TLL2: variants seen among roughly 807,000 people sequenced by gnomAD.
TLL2 encodes the protein tolloid like 2.
TLL2 carries 106 observed loss-of-function variants against 123.0 expected under a neutral mutation model. The ratio of observed to expected loss-of-function variants is 0.86; its 90% CI spans 0.74 to 1.01. TLL2 has a LOEUF of 1.01. TLL2 is among the 50% of genes least tolerant of loss of function. TLL2 has a pLI of 0.00. For missense variants in TLL2, 1,332 were observed against 1,336.7 expected, an observed-to-expected ratio of 1.00 and a Z score of 0.06; for synonymous variants, 494 against 516.8, an observed-to-expected ratio of 0.96 and a Z score of 0.60.
intron 8 of TLL2, among the ~76,000 whole-genome samples, chr10:96,411,639 C>T (rs985375202): frequency 4.6e-5 from 7 of 152,216 alleles, no homozygotes; most frequent in African/African-American, 1.7e-4. Context: ...AAGACAAAGA[C>T]ACTGGTTTGC....
At chr10:96,502,486 A>G (rs1436248881) in intron 1 of TLL2, among the ~76,000 whole-genome samples, 5 of 152,164 alleles carry the variant, frequency 3.3e-5, no homozygotes, top group Admixed American at 3.3e-4. Context: ...GACGGGCTCA[A>G]TTTGGAAACA....
intron 7 of TLL2, among the ~76,000 whole-genome samples, chr10:96,416,193 T>C (rs1326126511): frequency 6.6e-6 from 1 of 152,186 alleles, no homozygotes; most frequent in Non-Finnish European, 1.5e-5. Context: ...TGTCCTTTTG[T>C]AATTATTTTC....
At chr10:96,422,418 A>C in intron 6 of TLL2, 131 bp downstream of exon 6, 1 of 1,106,762 alleles carries the variant, frequency 9.0e-7, no homozygotes, top group Non-Finnish European at 1.3e-6. Context: ...CCTGTACAAC[A>C]GAGTCATTGC....
intron 9 of TLL2, among the ~76,000 whole-genome samples, chr10:96,407,386 C>T (rs1487150893): frequency 3.3e-5 from 5 of 152,130 alleles, no homozygotes. Context: ...TTAGATCTAC[C>T]TAGATCTGGA....
intron 1 of TLL2, among the ~76,000 whole-genome samples, chr10:96,501,806 G>A (rs1051497785): frequency 6.6e-6 from 1 of 152,196 alleles, no homozygotes; most frequent in Non-Finnish European, 1.5e-5. Flanking sequence ...TACCCTTTCT[G>A]AATCCCTCTG....
intron 20 of TLL2, among the ~76,000 whole-genome samples, chr10:96,369,409 T>C (rs1252033449): frequency 1.3e-5 from 2 of 152,196 alleles, no homozygotes; most frequent in Non-Finnish European, 2.9e-5. Context: ...GAAATGTGAA[T>C]ATAAGAAATA....
At chr10:96,386,590 A>T (rs2134058280) in intron 14 of TLL2, among the ~76,000 whole-genome samples, 1 of 152,388 alleles carries the variant, frequency 6.6e-6, no homozygotes, top group South Asian at 2.1e-4. Context: ...AAGATGGAAC[A>T]CAAGCCAGGT....
At chr10:96,376,600 T>C (rs1185431711) in intron 18 of TLL2, 92 bp downstream of exon 18, 1 of 1,411,596 alleles carries the variant, frequency 7.1e-7, no homozygotes, top group Non-Finnish European at 9.7e-7. Context: ...ACTTCCAAGT[T>C]ACAGAGCTGG....
At chr10:96,497,020 C>T (rs1031067207) in intron 1 of TLL2, among the ~76,000 whole-genome samples, 2 of 152,090 alleles carry the variant, frequency 1.3e-5, no homozygotes, top group African/African-American at 4.8e-5. Context: ...GTGGCTCATG[C>T]CTGTAATCCC....
chr10:96,489,512 G>C (rs1480159477), intron 1 of TLL2, among the ~76,000 whole-genome samples: 2 of 152,006 alleles, frequency 1.3e-5, no homozygotes, highest in African/African-American at 2.4e-5. Context: ...CTGGGCAACA[G>C]AGCAAAACCT....
rs904029226 is a variant in TLL2 at position 96,395,990 on chromosome 10, G to A, written c.1415C>T (p.Ala472Val). The A allele has an allele frequency of 8.7e-6, 14 of 1,614,052 alleles. No homozygotes were observed. The highest frequency in any genetic ancestry group is 2.7e-5 in the African/African-American group (2 of 74,930). ...ATCGGDMNKDAGQIQSPNYPD... is the reference protein window; with the variant it reads ...ATCGGDMNKDVGQIQSPNYPD... ...ATAGTTGGGAGATTGAATCTGACCG[G>A]CATCTTTGTTCATGTCTCCCCCGCA... The change falls in exon 12 of 21, where the codon GCC (alanine) becomes GTC (valine). Residue 472 changes from alanine to valine, a missense_variant. Physicochemically the swap from Ala to Val is moderately conservative, Grantham distance 64. Coordinates refer to ENST00000357947, the MANE Select transcript of TLL2 (RefSeq NM_012465.4).
Position 96,513,386 on chromosome 10 carries a change from G to A in TLL2, c.175+125C>T, listed in dbSNP as rs907930911. On this transcript the variant is annotated intron_variant, in intron 1 of 20. Transcript: ENST00000357947. ...TCCTCGGAGGCATTGTCTTCCGGGG[G>A]AGCCGGGGATCTCAGGGGAGGGGAG... is the stretch of plus-strand genomic sequence containing the variant. 5 of 1,212,050 alleles carry A rather than the reference G, an allele frequency of 4.1e-6. No individual in the cohort carries two copies. The African/African-American group carries it at 4.7e-5, about 11-fold the overall frequency. 75.1% of individuals were successfully genotyped at this position (1,212,050 alleles called of 1,614,324 possible).
chr10:96,469,976 G>A (rs1847163188), intron 2 of TLL2, among the ~76,000 whole-genome samples: 1 of 151,928 alleles, frequency 6.6e-6, no homozygotes, highest in Non-Finnish European at 1.5e-5. Flanking sequence ...AACTCTTGTG[G>A]GCGGGGCAGG....
chr10:96,476,236 A>ATTCTTTTT, intron 2 of TLL2, among the ~76,000 whole-genome samples: 1 of 20,450 alleles, frequency 4.9e-5, no homozygotes, highest in South Asian at 1.3e-3. Context: ...ATATATATAT[A>ATTCTTTTT]TATATTTTAT....
In TLL2 at chr10:96,386,173, G is replaced by C; in HGVS notation, c.1895C>G (p.Thr632Ser). The change falls in exon 15 of 21, where the codon ACC (threonine) becomes AGC (serine). Residue 632 changes from threonine to serine, a missense_variant. By Grantham distance (58) the Thr-to-Ser change is moderately conservative. Transcript: ENST00000357947. ...ATACTCCTTCGGCCACCCAGGGCTG[G>C]TGATGGTTCCATTCAGCTTGGTAAT... ...GFITKLNGTI[T>S]SPGWPKEYPT... 1.2e-6 allele frequency: 2 copies of C among 1,610,496 alleles called. No individual in the cohort carries two copies. The highest frequency in any genetic ancestry group is 1.3e-5 in the African/African-American group (1 of 74,888).
chr10:96,503,048 A>C (rs1847549570), intron 1 of TLL2, among the ~76,000 whole-genome samples: 1 of 152,160 alleles, frequency 6.6e-6, no homozygotes, highest in Admixed American at 6.5e-5. Flanking sequence ...CCGTATTATG[A>C]GCAGGCTGAG....
In TLL2 at chr10:96,379,061, C is replaced by T. The variant is rs774309160; in HGVS notation, c.2226G>A (p.Gly742=). ...DKDECAKDNG[G]CQHECVNTFG... is the part of the protein sequence containing the mutation. ...AGGTGTTGACGCACTCATGCTGACACCCGCCGTTGTCCTTGGCACACTCGT... is the reference window on the plus strand; with the variant it reads ...AGGTGTTGACGCACTCATGCTGACATCCGCCGTTGTCCTTGGCACACTCGT... The change falls in exon 17 of 21, where the codon GGG becomes GGA. Residue 742 remains glycine, a synonymous_variant. Coordinates refer to ENST00000357947, the MANE Select transcript of TLL2 (RefSeq NM_012465.4). The T allele has an allele frequency of 6.2e-7, 1 of 1,614,164 alleles. No individual in the cohort carries two copies. The highest frequency in any genetic ancestry group is 8.5e-7 in the Non-Finnish European group (1 of 1,179,998).
At chr10:96,437,210 A>G (rs1394629098) in intron 3 of TLL2, among the ~76,000 whole-genome samples, 1 of 152,210 alleles carries the variant, frequency 6.6e-6, no homozygotes, top group Non-Finnish European at 1.5e-5. Context: ...CTTTTTATAA[A>G]TTGAAATTTT....
At chr10:96,491,996 T>TAACC (rs1417526397) in intron 1 of TLL2, among the ~76,000 whole-genome samples, 2 of 152,120 alleles carry the variant, frequency 1.3e-5, no homozygotes, top group African/African-American at 4.8e-5. Context: ...CTGCAAAAGA[T>TAACC]AACCATGATC....
Sources: allele counts gnomAD v4.1 joint callset (sites outside exome capture counted in the v4.1 genomes callset), GRCh38; gene constraint gnomAD v4.1.1; transcripts MANE v1.5; gene names NCBI Gene and HGNC (gene_info 2026-07-23, HGNC 2026-07-21).